The following MCUR1 variants were observed in gnomAD, a reference collection of about 807,000 sequenced individuals.
MCUR1 encodes the protein mitochondrial calcium uniporter regulator 1.
In MCUR1, 37 loss-of-function variants were observed where a neutral mutation model predicts 42.0. The ratio of observed to expected loss-of-function variants is 0.88; its 90% CI spans 0.68 to 1.16. The LOEUF (loss-of-function observed/expected upper bound fraction) is 1.16, where lower values mean the gene tolerates loss of function less well. Ranked by LOEUF, MCUR1 falls within the 50% of genes most tolerant of loss-of-function variation. The probability of loss-of-function intolerance (pLI) is 0.00; values close to 1 mark genes in which losing one functional copy is unlikely to be tolerated. For missense variants in MCUR1, 469 were observed against 468.4 expected, an observed-to-expected ratio of 1.00 and a Z score of -0.01; for synonymous variants, 229 against 196.2, an observed-to-expected ratio of 1.17 and a Z score of -1.40.
chr6:13,795,521 C>T (rs538783989), intron 6 of MCUR1, among the ~76,000 whole-genome samples: 5 of 152,258 alleles, frequency 3.3e-5, no homozygotes, highest in South Asian at 2.1e-4. Context: ...ACCGAAAGAA[C>T]GAGAGCCAGA....
intron 1 of MCUR1, among the ~76,000 whole-genome samples, chr6:13,813,436 C>T (rs1760282025): frequency 6.6e-6 from 1 of 152,060 alleles, no homozygotes; most frequent in African/African-American, 2.4e-5. Flanking sequence ...ATCAATTATG[C>T]ATACGTATAT....
In MCUR1 at chr6:13,790,862, A is replaced by C; in HGVS notation, c.1027T>G (p.Ser343Ala). Residue 343 changes from serine to alanine, a missense_variant and splice_region_variant, in exon 9 of 9, where the codon TCT becomes GCT. By Grantham distance (99) the Ser-to-Ala change is moderately conservative. Transcript: ENST00000379170. Reference sequence around the variant, plus strand: ...GCTACTGTTAGGCACGTAAATATAGACCCTGTAAGAAAAAAACAATTGAGA... The same window carrying C: ...GCTACTGTTAGGCACGTAAATATAGCCCCTGTAAGAAAAAAACAATTGAGA... ...KLDNIKYLAGSIFTCLTVALG... is the reference protein window; with the variant it reads ...KLDNIKYLAGAIFTCLTVALG... 1 of 1,608,214 alleles carries C rather than the reference A, an allele frequency of 6.2e-7. No homozygotes were observed. The highest frequency in any genetic ancestry group is 8.5e-7 in the Non-Finnish European group (1 of 1,175,594).
Position 13,803,353 on chromosome 6 carries a change from G to A in MCUR1, c.536-1007C>T, listed in dbSNP as rs115304019. Among the ~76,000 whole-genome samples, 1,105 of 152,306 alleles carry A rather than the reference G, an allele frequency of 7.3e-3. 7 individuals carry two copies. The highest frequency in any genetic ancestry group is 0.014 in the Admixed American group (214 of 15,304). Reference sequence around the variant, plus strand: ...TGGGATTACAGGCGCAAGCCACCACGCCTGGCCAGTACTTGGTATTGTTTT... The same window carrying A: ...TGGGATTACAGGCGCAAGCCACCACACCTGGCCAGTACTTGGTATTGTTTT... On this transcript the variant is annotated intron_variant, in intron 2 of 8. Transcript: ENST00000379170.
chr6:13,795,045 A>C (rs1759824742), intron 6 of MCUR1, among the ~76,000 whole-genome samples: 1 of 152,136 alleles, frequency 6.6e-6, no homozygotes. Flanking sequence ...TATAGAAAGA[A>C]AAAGTTAATC....
chr6:13,809,189 A>C (rs188187312), intron 1 of MCUR1, among the ~76,000 whole-genome samples: 3 of 152,346 alleles, frequency 2.0e-5, no homozygotes, highest in Non-Finnish European at 2.9e-5. Flanking sequence ...TTTGTAGATC[A>C]GTTTGAAAAG....
chr6:13,814,059 G>A lies in MCUR1; in HGVS notation c.371C>T (p.Pro124Leu). Residue 124 changes from proline (P) to leucine (L), a missense_variant, in exon 1 of 9, where the codon CCC becomes CTC. By Grantham distance (98) the Pro-to-Leu change is moderately conservative. Coordinates refer to ENST00000379170, the MANE Select transcript of MCUR1 (RefSeq NM_001031713.4). The stretch of plus-strand genomic sequence containing the variant: ...TGCAGGCGCCGGGCCGTGGTACTGG[G>A]GAAGGGCGCCGGCGGCAGCGGCGAC... Reference protein sequence around the residue: ...PGVAAAAGALPQYHGPAPALV... With the variant: ...PGVAAAAGALLQYHGPAPALV... 1 of 1,239,852 alleles carries A rather than the reference G, an allele frequency of 8.1e-7. No individual in the cohort carries two copies. The highest frequency in any genetic ancestry group is 2.4e-4 in the Middle Eastern group (1 of 4,158). 76.8% of individuals were successfully genotyped at this position (1,239,852 alleles called of 1,614,324 possible).
intron 1 of MCUR1, among the ~76,000 whole-genome samples, chr6:13,809,382 T>G (rs1760181471): frequency 6.6e-6 from 1 of 152,194 alleles, no homozygotes; most frequent in Non-Finnish European, 1.5e-5. Flanking sequence ...GAGATATCGG[T>G]CAATAGCATT....
chr6:13,804,872 A>C (rs980289161), intron 2 of MCUR1, among the ~76,000 whole-genome samples: 1 of 151,224 alleles, frequency 6.6e-6, no homozygotes, highest in African/African-American at 2.4e-5. Flanking sequence ...TGTAGACACG[A>C]GGGAATAGGA....
chr6:13,803,208 T>C (rs1297497165), intron 2 of MCUR1, among the ~76,000 whole-genome samples: 1 of 152,192 alleles, frequency 6.6e-6, no homozygotes, highest in African/African-American at 2.4e-5. Context: ...ATTACAGGCA[T>C]GCGCCACCAT....
At chr6:13,803,003 G>A (rs1760024232) in intron 2 of MCUR1, among the ~76,000 whole-genome samples, 1 of 151,882 alleles carries the variant, frequency 6.6e-6, no homozygotes, top group African/African-American at 2.4e-5. Flanking sequence ...GAAAAAATAT[G>A]TTCTTTGGTA....
At position 13,808,303 on chromosome 6, in the gene MCUR1, C is replaced by T. The variant is rs545148142; in HGVS notation, c.416-1259G>A. On this transcript the variant is annotated intron_variant, in intron 1 of 8. Coordinates refer to ENST00000379170, the MANE Select transcript of MCUR1 (RefSeq NM_001031713.4). Reference sequence around the variant, plus strand: ...TCTGTGGTATCTCCTTATAGCAGCACAAAACAGACTAAGGCAAAGTCCTTT... The same window carrying T: ...TCTGTGGTATCTCCTTATAGCAGCATAAAACAGACTAAGGCAAAGTCCTTT... Among the ~76,000 whole-genome samples, 23 of 152,268 alleles carry T rather than the reference C, an allele frequency of 1.5e-4. No homozygotes were observed. In the East Asian group the frequency reaches 4.4e-3, roughly 29 times the overall value.
At chr6:13,793,633 A>G (rs1166434569) in intron 7 of MCUR1, among the ~76,000 whole-genome samples, 1 of 152,208 alleles carries the variant, frequency 6.6e-6, no homozygotes, top group South Asian at 2.1e-4. Flanking sequence ...CAGAGTTTCA[A>G]TTTTGCAAAA....
At chr6:13,805,080 CCA>C (rs779765588) in intron 2 of MCUR1, among the ~76,000 whole-genome samples, 107 of 152,174 alleles carry the variant, frequency 7.0e-4, no homozygotes, top group Middle Eastern at 3.4e-3. Context: ...GGCCCTCACA[CCA>C]CAGTCTTGAA....
Position 13,802,345 on chromosome 6 carries a change from C to T in MCUR1, c.537G>A (p.Gly179=), listed in dbSNP as rs149611146. 1.9e-6 allele frequency: 3 copies of T among 1,612,360 alleles called. No individual in the cohort carries two copies. The African/African-American group carries it at 4.0e-5, about 22-fold the overall frequency. ...TGATTTCTGCTTGTTGAGTAGCAAA[C>T]CCTAAGCAAGCACACAAGCAAAAAA... The part of the protein sequence containing the change: ...HALVCLLEDN[G]FATQQAEIIV... Residue 179 remains glycine (G), a splice_region_variant and synonymous_variant, in exon 3 of 9, where the codon GGG becomes GGA. Transcript: ENST00000379170.
At position 13,789,422 on chromosome 6, in the gene MCUR1, T is replaced by C. The variant is rs1289329036; in HGVS notation, c.*1387A>G. On this transcript the variant is annotated 3_prime_UTR_variant, in exon 9 of 9. Coordinates refer to ENST00000379170, the MANE Select transcript of MCUR1 (RefSeq NM_001031713.4). Reference sequence around the variant, plus strand: ...CTCAAAAAAAAAAAAAAGGTGAGAATGTGCTTTTCCAGAATAACCCCAGTT... The same window carrying C: ...CTCAAAAAAAAAAAAAAGGTGAGAACGTGCTTTTCCAGAATAACCCCAGTT... 1 of 149,888 alleles carries C rather than the reference T, an allele frequency of 6.7e-6. No individual in the cohort carries two copies. The highest frequency in any genetic ancestry group is 1.5e-5 in the Non-Finnish European group (1 of 67,688). 9.3% of individuals were successfully genotyped at this position (149,888 alleles called of 1,614,324 possible).
chr6:13,792,842 T>C (rs940716827), intron 7 of MCUR1, among the ~76,000 whole-genome samples: 1 of 152,130 alleles, frequency 6.6e-6, no homozygotes, highest in African/African-American at 2.4e-5. Flanking sequence ...TGAAAGCCTC[T>C]TGGGGGTTTC....
Position 13,814,015 on chromosome 6 carries a change from C to G in MCUR1, c.415G>C (p.Glu139Gln). 1.1e-5 allele frequency: 13 copies of G among 1,233,880 alleles called. No homozygotes were observed. Among genetic ancestry groups the G allele is most frequent in the Non-Finnish European group, 1.3e-5 (13 of 988,698 alleles). 76.4% of individuals were successfully genotyped at this position (1,233,880 alleles called of 1,614,324 possible). A position where few individuals can be genotyped will look rare whatever the true frequency, so the allele number is the denominator to read the frequency against. Residue 139 changes from glutamate (E) to glutamine (Q), a missense_variant and splice_region_variant, in exon 1 of 9, where the codon GAG (glutamate) becomes CAG (glutamine). Transcript: ENST00000379170. The part of the protein sequence containing the change: ...PAPALVSCRR[E>Q]LSLSAGSLQL... The stretch of plus-strand genomic sequence containing the variant: ...CTCTCCTCTCCCGCCCGGGCCTCAC[C>G]TCTCCTGCAGGAAACGAGTGCAGGC...
rs1394446865 is a variant in MCUR1 at position 13,808,704 on chromosome 6, T to C, written c.416-1660A>G. Among the ~76,000 whole-genome samples the C allele has an allele frequency of 2.0e-5, 3 of 152,184 alleles. No individual in the cohort carries two copies. In the East Asian group the frequency reaches 5.8e-4, roughly 29 times the overall value. On this transcript the variant is annotated intron_variant, in intron 1 of 8. Transcript: ENST00000379170. ...TAGTGTTTTAAATGGTGTGTGGTAG[T>C]GGGTTCAGCTTCATTCTTCTCCATG...
chr6:13,811,128 T>G (rs547091337), intron 1 of MCUR1, among the ~76,000 whole-genome samples: 1 of 152,316 alleles, frequency 6.6e-6, no homozygotes, highest in African/African-American at 2.4e-5. Flanking sequence ...ACTTTATGGT[T>G]CTCTCTGCTT....
Sources: gnomAD v4.1 joint callset for allele counts (sites outside exome capture counted in the v4.1 genomes callset) on GRCh38, gnomAD v4.1.1 for gene constraint, MANE v1.5 for transcripts, NCBI Gene and HGNC (gene_info 2026-07-23, HGNC 2026-07-21) for gene names.